Variants in DOCK1 observed in about 807,000 individuals in gnomAD.
The protein encoded by DOCK1 is dedicator of cytokinesis protein 1.
A neutral mutation model predicts 262.7 loss-of-function variants in DOCK1; 138 were observed. The observed-to-expected ratio is 0.53, with a 90% CI of 0.46 to 0.61. DOCK1 has a LOEUF of 0.61. Ranked by LOEUF, DOCK1 falls within the 20% of genes least tolerant of loss-of-function variation. DOCK1 has a pLI of 0.00. For missense variants in DOCK1, 1,908 were observed against 2,370.7 expected (o/e 0.80, Z 4.05); for synonymous variants, 866 against 867.4 (o/e 1.00, Z 0.03).
chr10:127,196,558 T>G (rs2057169882), intron 27 of DOCK1, among the ~76,000 whole-genome samples: 1 of 141,700 alleles, frequency 7.1e-6, no homozygotes, highest in South Asian at 2.2e-4. Flanking sequence ...CTGCCGCCTG[T>G]GCGCCCGGCT....
At chr10:126,924,270 G>C in intron 1 of DOCK1, among the ~76,000 whole-genome samples, 1 of 140,712 alleles carries the variant, frequency 7.1e-6, no homozygotes, top group African/African-American at 2.7e-5. Context: ...AACTCAGTAG[G>C]GGGAGGCTGT....
At chr10:127,159,703 A>G (rs993916191) in intron 27 of DOCK1, among the ~76,000 whole-genome samples, 3 of 152,168 alleles carry the variant, frequency 2.0e-5, no homozygotes, top group Non-Finnish European at 4.4e-5. Context: ...ACCGTTGGCA[A>G]AAGAGGGCAT....
intron 27 of DOCK1, among the ~76,000 whole-genome samples, chr10:127,194,795 T>C (rs2056987905): frequency 6.6e-6 from 1 of 152,180 alleles, no homozygotes; most frequent in Non-Finnish European, 1.5e-5. Flanking sequence ...ATCGTTTGGC[T>C]TCCCAGCCAA....
intron 27 of DOCK1, among the ~76,000 whole-genome samples, chr10:127,242,758 T>C (rs1015310090): frequency 1.7e-4 from 26 of 152,244 alleles, no homozygotes; most frequent in African/African-American, 5.8e-4. Flanking sequence ...ATTTGAAATT[T>C]AAGCATTTGA....
At chr10:127,107,961 C>G (rs2048636685) in intron 24 of DOCK1, among the ~76,000 whole-genome samples, 1 of 152,186 alleles carries the variant, frequency 6.6e-6, no homozygotes, top group South Asian at 2.1e-4. Context: ...TAGCCCCTCA[C>G]CGATGGAGGG....
Position 127,000,703 on chromosome 10 carries a change from G to A in DOCK1, c.985+396G>A, listed in dbSNP as rs769168836. The A allele has an allele frequency of 3.5e-5, 6 of 169,406 alleles. No individual in the cohort carries two copies. In the South Asian group the frequency reaches 4.2e-4, roughly 12 times the overall value. 10.5% of individuals were successfully genotyped at this position (169,406 alleles called of 1,614,324 possible). On this transcript the variant is annotated intron_variant, in intron 10 of 51. Coordinates refer to ENST00000623213, the MANE Select transcript of DOCK1 (RefSeq NM_001290223.2). ...AAGAAAGGCAAACTGTGAAGAGAAC[G>A]CGGTTAGCTTCATGTTGGTGCTCTT... is the stretch of plus-strand genomic sequence containing the variant.
At chr10:127,285,204 T>C (rs1409593873) in intron 29 of DOCK1, among the ~76,000 whole-genome samples, 1 of 152,358 alleles carries the variant, frequency 6.6e-6, no homozygotes, top group East Asian at 1.9e-4. Flanking sequence ...ATTTTTCTTC[T>C]GTAGTTTAAC....
chr10:127,374,678 G>A (rs867973650), intron 35 of DOCK1, among the ~76,000 whole-genome samples: 5 of 152,286 alleles, frequency 3.3e-5, no homozygotes, highest in African/African-American at 1.2e-4. Context: ...GATTATCCTG[G>A]ATTACCTGCA....
At chr10:127,276,580 G>T (rs77926146) in intron 29 of DOCK1, among the ~76,000 whole-genome samples, 4,446 of 152,210 alleles carry the variant, frequency 0.029, 205 homozygotes, top group African/African-American at 0.1. Flanking sequence ...CTCGGACACT[G>T]GTGACACGGA....
intron 27 of DOCK1, among the ~76,000 whole-genome samples, chr10:127,161,965 C>T (rs2053627541): frequency 6.6e-6 from 1 of 152,202 alleles, no homozygotes; most frequent in African/African-American, 2.4e-5. Flanking sequence ...AAGTAAAACT[C>T]TGGAAAACTG....
chr10:127,337,249 G>A lies in DOCK1; in HGVS notation c.3045-1757G>A, dbSNP rs554801101. On this transcript the variant is annotated intron_variant, in intron 29 of 51. Transcript: ENST00000623213. ...GGTTGCTGCATGTACATCCTCAGAGGCTCTCTCAACACAGTTACCAAGGGT... is the reference window on the plus strand; with the variant it reads ...GGTTGCTGCATGTACATCCTCAGAGACTCTCTCAACACAGTTACCAAGGGT... Among the ~76,000 whole-genome samples the A allele has an allele frequency of 4.6e-5, 7 of 152,206 alleles. No individual in the cohort carries two copies. In the East Asian group the frequency reaches 1.4e-3, roughly 29 times the overall value.
At position 127,336,224 on chromosome 10, in the gene DOCK1, G is replaced by A. The variant is rs1046728103; in HGVS notation, c.3045-2782G>A. 5.9e-5 allele frequency among the ~76,000 whole-genome samples: 9 copies of A among 152,134 alleles called. No homozygotes were observed. In the South Asian group the frequency reaches 6.2e-4, roughly 11 times the overall value. On this transcript the variant is annotated intron_variant, in intron 29 of 51. Coordinates refer to ENST00000623213, the MANE Select transcript of DOCK1 (RefSeq NM_001290223.2). Reference sequence around the variant, plus strand: ...CGGGGCATAGCTGTGTTTCCGTCCCGTCAGGTGTGGGCTGTAGGATATCAT... The same window carrying A: ...CGGGGCATAGCTGTGTTTCCGTCCCATCAGGTGTGGGCTGTAGGATATCAT...
At chr10:127,084,922 T>C (rs943286417) in intron 23 of DOCK1, among the ~76,000 whole-genome samples, 1 of 152,188 alleles carries the variant, frequency 6.6e-6, no homozygotes, top group African/African-American at 2.4e-5. Context: ...TACTGTGGCA[T>C]TGAGACCACC....
chr10:127,059,017 G>T (rs2045356611), intron 22 of DOCK1, among the ~76,000 whole-genome samples: 1 of 152,080 alleles, frequency 6.6e-6, no homozygotes, highest in African/African-American at 2.4e-5. Context: ...GTGTTGGCCA[G>T]TTATGGGACT....
At position 127,451,563 on chromosome 10, in the gene DOCK1, G is replaced by A; in HGVS notation, c.*136G>A. 6.6e-7 allele frequency: 1 copy of A among 1,506,856 alleles called. No homozygotes were observed. The highest frequency in any genetic ancestry group is 2.5e-5 in the East Asian group (1 of 40,004). The allele number at this position is 1,506,856 out of a possible 1,614,324, so 93.3% of individuals were successfully genotyped here. A position where few individuals can be genotyped will look rare whatever the true frequency, so the allele number is the denominator to read the frequency against. On this transcript the variant is annotated 3_prime_UTR_variant, in exon 52 of 52. Coordinates refer to ENST00000623213, the MANE Select transcript of DOCK1 (RefSeq NM_001290223.2). ...TTCGTGCGACTGCTTTTTCTTCAAA[G>A]GAGTTCAGTTCTCACCATGGAGTGA...
chr10:127,328,794 TTTTGA>T (rs1415090435), intron 29 of DOCK1, among the ~76,000 whole-genome samples: 1 of 152,066 alleles, frequency 6.6e-6, no homozygotes, highest in Non-Finnish European at 1.5e-5. Flanking sequence ...TCCCGGGTTG[TTTTGA>T]TTTATTTTTT....
intron 25 of DOCK1, among the ~76,000 whole-genome samples, chr10:127,122,236 G>A (rs1564818563): frequency 6.6e-6 from 1 of 152,154 alleles, no homozygotes; most frequent in Non-Finnish European, 1.5e-5. Flanking sequence ...CCTGGGATGG[G>A]TTGCTGTGGA....
intron 27 of DOCK1, among the ~76,000 whole-genome samples, chr10:127,206,757 G>C (rs1187260787): frequency 7.2e-5 from 11 of 152,170 alleles, no homozygotes; most frequent in African/African-American, 2.7e-4. Context: ...ACAACATTAT[G>C]AACTATGAAA....
At chr10:127,161,879 G>T (rs1284847350) in intron 27 of DOCK1, among the ~76,000 whole-genome samples, 5 of 152,108 alleles carry the variant, frequency 3.3e-5, no homozygotes, top group Admixed American at 6.6e-5. Flanking sequence ...AATTGAGAAG[G>T]TGTCTTTGTC....
Sources: gnomAD v4.1 joint callset for allele counts (sites outside exome capture counted in the v4.1 genomes callset) on GRCh38, gnomAD v4.1.1 for gene constraint, MANE v1.5 for transcripts, NCBI Gene and HGNC (gene_info 2026-07-23, HGNC 2026-07-21) for gene names.